Variants in GADL1 observed in about 807,000 individuals in gnomAD.
The protein encoded by GADL1 is acidic amino acid decarboxylase GADL1.
In GADL1, 71 loss-of-function variants were observed where a neutral mutation model predicts 69.5. That is an observed-to-expected ratio of 1.02 (90% CI 0.84 to 1.25). The LOEUF is 1.25. Among genes scored for constraint, GADL1 ranks in the 50% most tolerant of loss-of-function variants. The probability of loss-of-function intolerance (pLI) is 0.00; values close to 1 mark genes in which losing one functional copy is unlikely to be tolerated. For missense variants in GADL1, 737 were observed against 631.8 expected (o/e 1.17, Z -1.79); for synonymous variants, 254 against 214.4 (o/e 1.18, Z -1.62).
intron 14 of GADL1, among the ~76,000 whole-genome samples, chr3:30,770,786 CAATA>C (rs1696400209): frequency 6.7e-6 from 1 of 149,530 alleles, no homozygotes; most frequent in African/African-American, 2.5e-5. Context: ...ACTTATGCCA[CAATA>C]AATTAGAACA....
At chr3:30,850,802 G>T (rs779605452) in intron 5 of GADL1, 33 bp downstream of exon 5, 1 of 1,250,526 alleles carries the variant, frequency 8.0e-7, no homozygotes, top group Non-Finnish European at 1.1e-6. Flanking sequence ...TGGTTGTATT[G>T]GAAGGTTGAT....
rs576577444 is a variant in GADL1 at position 30,866,490 on chromosome 3, A to G, written c.38-4725T>C. Among the ~76,000 whole-genome samples, 15 of 152,194 alleles carry G rather than the reference A, an allele frequency of 9.9e-5. No homozygotes were observed. In the South Asian group the frequency reaches 2.9e-3, roughly 30 times the overall value. On this transcript the variant is annotated intron_variant, in intron 1 of 14. Coordinates refer to ENST00000282538, the MANE Select transcript of GADL1 (RefSeq NM_207359.3). Reference sequence around the variant, plus strand: ...AATAGTAATAATAGTACATAAATGCATAAAGGAAACTTGCATGTGATGGTA... The same window carrying G: ...AATAGTAATAATAGTACATAAATGCGTAAAGGAAACTTGCATGTGATGGTA...
intron 4 of GADL1, 41 bp from the exon 5 acceptor site, chr3:30,850,982 T>TC: frequency 6.0e-6 from 7 of 1,175,860 alleles, no homozygotes; most frequent in Non-Finnish European, 8.6e-6. Flanking sequence ...ATGACTAGAG[T>TC]CAAAACATTC....
chr3:30,825,471 C>G (rs1196209939), intron 11 of GADL1, among the ~76,000 whole-genome samples: 1 of 151,926 alleles, frequency 6.6e-6, no homozygotes, highest in African/African-American at 2.4e-5. Context: ...TCCCTGTAAT[C>G]TTTTGCCCAT....
At chr3:30,785,338 A>G (rs570805905) in intron 13 of GADL1, among the ~76,000 whole-genome samples, 115 of 151,708 alleles carry the variant, frequency 7.6e-4, no homozygotes, top group African/African-American at 2.7e-3. Context: ...TAATTGTTCA[A>G]TGCATCTTAT....
chr3:30,788,527 C>T (rs1382930154), intron 12 of GADL1, among the ~76,000 whole-genome samples: 4 of 152,088 alleles, frequency 2.6e-5, no homozygotes, highest in African/African-American at 7.2e-5. Flanking sequence ...GGCTGAAGGT[C>T]GGGGTGGCTG....
intron 1 of GADL1, among the ~76,000 whole-genome samples, 188 bp downstream of exon 1, chr3:30,894,390 G>T (rs1023791426): frequency 1.3e-5 from 2 of 152,198 alleles, no homozygotes; most frequent in Non-Finnish European, 2.9e-5. Context: ...TAACTCATTT[G>T]ATTCTAAATA....
intron 14 of GADL1, among the ~76,000 whole-genome samples, chr3:30,736,253 T>C (rs577395076): frequency 6.6e-6 from 1 of 152,130 alleles, no homozygotes; most frequent in Non-Finnish European, 1.5e-5. Context: ...CTTTATGGAT[T>C]AGACCGACCA....
chr3:30,763,113 G>A (rs991048845), intron 14 of GADL1, among the ~76,000 whole-genome samples: 1 of 152,154 alleles, frequency 6.6e-6, no homozygotes, highest in Non-Finnish European at 1.5e-5. Flanking sequence ...AATAGGTAAA[G>A]TCATGTGTCA....
chr3:30,774,792 G>A lies in GADL1; in HGVS notation c.1392+3387C>T, dbSNP rs958304596. On this transcript the variant is annotated intron_variant, in intron 14 of 14. Transcript: ENST00000282538. ...AAATATTATATTTACTATAAATAGTGGTCATTGACTCTGACCGGGTTGAGA... is the reference window on the plus strand; with the variant it reads ...AAATATTATATTTACTATAAATAGTAGTCATTGACTCTGACCGGGTTGAGA... 7.2e-5 allele frequency among the ~76,000 whole-genome samples: 11 copies of A among 152,108 alleles called. No homozygotes were observed. In the East Asian group the frequency reaches 7.8e-4, roughly 11 times the overall value.
chr3:30,749,788 G>A lies in GADL1; in HGVS notation c.1393-21373C>T, dbSNP rs551199437. On this transcript the variant is annotated intron_variant, in intron 14 of 14. Transcript: ENST00000282538. ...AGCTGAACAGCTGACACGAGCTCCC[G>A]AGGCACTCTACTGAGGATAATTAGA... is the stretch of plus-strand genomic sequence containing the variant. 7.2e-5 allele frequency among the ~76,000 whole-genome samples: 11 copies of A among 152,270 alleles called. 1 individual carries two copies. In the South Asian group the frequency reaches 1.7e-3, roughly 23 times the overall value.
chr3:30,846,040 T>A (rs1698048393), intron 6 of GADL1, among the ~76,000 whole-genome samples: 1 of 146,648 alleles, frequency 6.8e-6, no homozygotes, highest in Non-Finnish European at 1.5e-5. Context: ...AATGTCAATC[T>A]GAGATAGATA....
chr3:30,853,355 C>T (rs1371156877), intron 4 of GADL1, among the ~76,000 whole-genome samples: 2 of 146,690 alleles, frequency 1.4e-5, no homozygotes, highest in African/African-American at 4.9e-5. Flanking sequence ...ATAAAATTCT[C>T]AAGTGATTTT....
chr3:30,776,980 A>G (rs906008488), intron 14 of GADL1, among the ~76,000 whole-genome samples: 40 of 152,180 alleles, frequency 2.6e-4, no homozygotes, highest in Non-Finnish European at 1.2e-4. Flanking sequence ...CTAGTATCAC[A>G]CATTGGGGTA....
chr3:30,816,540 T>TAA (rs1697475148), intron 11 of GADL1, among the ~76,000 whole-genome samples: 1 of 64,620 alleles, frequency 1.5e-5, no homozygotes, highest in African/African-American at 5.9e-5. Context: ...CTTTTTTTTT[T>TAA]TTTTTTTTTT....
At chr3:30,754,372 A>AG (rs200290481) in intron 14 of GADL1, among the ~76,000 whole-genome samples, 3,668 of 146,630 alleles carry the variant, frequency 0.025, 140 homozygotes, top group African/African-American at 0.086. Context: ...TCAGGAAAGA[A>AG]TATGTTGGGG....
At chr3:30,747,215 T>C (rs17026521) in intron 14 of GADL1, among the ~76,000 whole-genome samples, 33,154 of 152,116 alleles carry the variant, frequency 0.22, 5,568 homozygotes, top group African/African-American at 0.47. Flanking sequence ...CAAATGATCG[T>C]GAGAATACCC....
intron 14 of GADL1, among the ~76,000 whole-genome samples, chr3:30,741,132 A>G (rs1559484133): frequency 7.4e-6 from 1 of 134,568 alleles, no homozygotes; most frequent in African/African-American, 2.9e-5. Flanking sequence ...ATATATATAT[A>G]TATATATGTG....
chr3:30,767,311 A>G (rs1696304957), intron 14 of GADL1, among the ~76,000 whole-genome samples: 1 of 152,228 alleles, frequency 6.6e-6, no homozygotes, highest in South Asian at 2.1e-4. Context: ...GAAAAATATT[A>G]AAGAATGCTA....
Sources: allele counts gnomAD v4.1 joint callset (sites outside exome capture counted in the v4.1 genomes callset), GRCh38; gene constraint gnomAD v4.1.1; transcripts MANE v1.5; gene names NCBI Gene and HGNC (gene_info 2026-07-23, HGNC 2026-07-21).